RGS20: variants seen among roughly 807,000 people sequenced by gnomAD.
RGS20 encodes the protein gz-selective GTPase-activating protein.
RGS20 carries 30 observed loss-of-function variants against 33.6 expected under a neutral mutation model. The observed-to-expected ratio is 0.89, with a 90% confidence interval of 0.67 to 1.21. RGS20 has a LOEUF of 1.21. Ranked by LOEUF, RGS20 falls within the 50% of genes most tolerant of loss-of-function variation. The probability of loss-of-function intolerance (pLI) is 0.00; values close to 1 mark genes in which losing one functional copy is unlikely to be tolerated. For synonymous variants in RGS20, 208 were observed against 197.9 expected, an observed-to-expected ratio of 1.05 and a Z score of -0.43; for missense variants, 472 against 502.4, an observed-to-expected ratio of 0.94 and a Z score of 0.58.
chr8:53,861,396 A>G (rs1447073131), intron 1 of RGS20, among the ~76,000 whole-genome samples: 1 of 152,204 alleles, frequency 6.6e-6, no homozygotes, highest in African/African-American at 2.4e-5. Flanking sequence ...TAATAAATGA[A>G]TATTTTTACC....
intron 2 of RGS20, chr8:53,913,536 A>C (rs556157396): frequency 6.6e-6 from 1 of 152,300 alleles, no homozygotes; most frequent in South Asian, 2.1e-4. Context: ...AATCAAGTGA[A>C]GATGAGGCCA....
intron 1 of RGS20, among the ~76,000 whole-genome samples, chr8:53,858,718 T>C (rs13362868): frequency 0.023 from 3,440 of 151,838 alleles, 130 homozygotes; most frequent in African/African-American, 0.079. Context: ...TTAGAAACAA[T>C]TGAGACGCCC....
chr8:53,941,414 G>A (rs752709135), intron 3 of RGS20, among the ~76,000 whole-genome samples: 11 of 152,064 alleles, frequency 7.2e-5, no homozygotes, highest in South Asian at 2.1e-4. Flanking sequence ...TAAAAGAACC[G>A]AAGAAAGGGC....
intron 2 of RGS20, among the ~76,000 whole-genome samples, chr8:53,889,931 A>C (rs533322919): frequency 1.3e-4 from 20 of 152,178 alleles, no homozygotes; most frequent in African/African-American, 2.9e-4. Context: ...TAATGTGCCT[A>C]TATGTGGTTT....
chr8:53,931,584 A>G (rs1813961144), intron 2 of RGS20, among the ~76,000 whole-genome samples: 1 of 130,200 alleles, frequency 7.7e-6, no homozygotes, highest in Non-Finnish European at 1.7e-5. Flanking sequence ...AACAACAACA[A>G]CAACAACAAA....
chr8:53,953,157 T>G (rs1402585642), intron 4 of RGS20, among the ~76,000 whole-genome samples: 1 of 152,228 alleles, frequency 6.6e-6, no homozygotes, highest in Non-Finnish European at 1.5e-5. Context: ...GCTTCACCAC[T>G]GTGCAATATA....
At chr8:53,951,993 G>T (rs1814720666) in intron 4 of RGS20, among the ~76,000 whole-genome samples, 1 of 151,196 alleles carries the variant, frequency 6.6e-6, no homozygotes, top group South Asian at 2.1e-4. Flanking sequence ...CTCCAGCCTG[G>T]GCAACAGAGT....
intron 1 of RGS20, among the ~76,000 whole-genome samples, chr8:53,861,044 T>C (rs1811799160): frequency 6.6e-6 from 1 of 152,118 alleles, no homozygotes; most frequent in Non-Finnish European, 1.5e-5. Context: ...CCAGCACATA[T>C]TTTGAGTGAT....
rs2129273350 is a variant in RGS20, at chr8:53,877,743, T to TA, written c.166-1514dup. Among the ~76,000 whole-genome samples the TA allele has an allele frequency of 6.6e-6, 1 of 152,326 alleles. No homozygotes were observed. The highest frequency in any genetic ancestry group is 1.9e-4 in the East Asian group (1 of 5,180). On this transcript the variant is annotated intron_variant, in intron 1 of 5. Coordinates refer to ENST00000297313, the MANE Select transcript of RGS20 (RefSeq NM_170587.4). This position sits in a 1 kb window ranked among gnomAD's most constrained non-coding sequence, Gnocchi z 5.7. The stretch of plus-strand genomic sequence containing the variant: ...GAGGGGAAGTGAAACAGTGTGAACT[T>TA]ACTCGGAAATGCAAACCGAGTTCAA...
chr8:53,951,007 C>T (rs984432315), intron 4 of RGS20, among the ~76,000 whole-genome samples: 4 of 152,102 alleles, frequency 2.6e-5, no homozygotes, highest in Non-Finnish European at 5.9e-5. Flanking sequence ...ACTACTAGAA[C>T]GTTAAATGAT....
At chr8:53,942,326 C>G (rs746590118) in intron 3 of RGS20, among the ~76,000 whole-genome samples, 1 of 151,898 alleles carries the variant, frequency 6.6e-6, no homozygotes, top group African/African-American at 2.4e-5. Context: ...GGCATGGTGG[C>G]GCACACCTGT....
At chr8:53,891,738 T>TTTAAAAA (rs1459988585) in intron 2 of RGS20, among the ~76,000 whole-genome samples, 3 of 152,252 alleles carry the variant, frequency 2.0e-5, no homozygotes, top group Non-Finnish European at 4.4e-5. Flanking sequence ...AAAATGTGTA[T>TTTAAAAA]TTAAAAATTT....
intron 1 of RGS20, among the ~76,000 whole-genome samples, chr8:53,852,958 C>T (rs1363033572): frequency 6.6e-6 from 1 of 151,982 alleles, no homozygotes; most frequent in Non-Finnish European, 1.5e-5. Flanking sequence ...AAAGGGTCAA[C>T]ACAAAGCTTT....
chr8:53,926,167 AC>A (rs1237395110), intron 2 of RGS20, among the ~76,000 whole-genome samples: 2 of 152,092 alleles, frequency 1.3e-5, no homozygotes, highest in Admixed American at 1.3e-4. Flanking sequence ...CCGTGTTCAC[AC>A]CACTGTACTG....
intron 3 of RGS20, among the ~76,000 whole-genome samples, chr8:53,941,817 T>C (rs1814305450): frequency 6.6e-6 from 1 of 152,164 alleles, no homozygotes; most frequent in Non-Finnish European, 1.5e-5. Flanking sequence ...TCATCCCCAC[T>C]GATAGGACTT....
At chr8:53,856,309 A>AG (rs1308221545) in intron 1 of RGS20, among the ~76,000 whole-genome samples, 5 of 149,764 alleles carry the variant, frequency 3.3e-5, no homozygotes, top group Non-Finnish European at 7.4e-5. Flanking sequence ...TCCACCTCCC[A>AG]GGTTCAAGTG....
At chr8:53,947,923 T>C (rs1814567878) in intron 4 of RGS20, among the ~76,000 whole-genome samples, 1 of 137,200 alleles carries the variant, frequency 7.3e-6, no homozygotes, top group Admixed American at 7.8e-5. Flanking sequence ...GTATATATAT[T>C]TACATATGCT....
chr8:53,943,412 T>C (rs1246811451), intron 3 of RGS20, among the ~76,000 whole-genome samples: 9 of 152,212 alleles, frequency 5.9e-5, no homozygotes, highest in Admixed American at 5.9e-4. Context: ...TCTTGTTCAG[T>C]TGAATATAAA....
At chr8:53,909,209 GTATATATATATATATA>G (rs1178436696) in intron 2 of RGS20, among the ~76,000 whole-genome samples, 42 of 43,730 alleles carry the variant, frequency 9.6e-4, no homozygotes, top group South Asian at 8.6e-3. Context: ...TGGTATGTGT[GTATATATATATATATA>G]TATATATATA....
Sources: gnomAD v4.1 joint callset for allele counts (sites outside exome capture counted in the v4.1 genomes callset) on GRCh38, gnomAD v4.1.1 for gene constraint, Gnocchi (gnomAD v3.1) non-coding constraint, MANE v1.5 for transcripts, NCBI Gene and HGNC (gene_info 2026-07-23, HGNC 2026-07-21) for gene names.